The following TTC32 variants were observed in gnomAD, a reference collection of about 807,000 sequenced individuals.
TTC32 encodes the protein tetratricopeptide repeat protein 32.
Under a neutral mutation model 15.3 loss-of-function variants are expected in TTC32, and 16 were observed. The ratio of observed to expected loss-of-function variants is 1.05; its 90% confidence interval spans 0.71 to 1.59. The LOEUF (loss-of-function observed/expected upper bound fraction) is 1.59. TTC32 is among the 40% of genes most tolerant of loss of function. The pLI is 0.00. For missense variants in TTC32, 188 were observed against 181.9 expected, an observed-to-expected ratio of 1.03 and a Z score of -0.19; for synonymous variants, 89 against 67.8, an observed-to-expected ratio of 1.31 and a Z score of -1.53.
intron 1 of TTC32, chr2:19,901,342 AGTG>A (rs1669599421): frequency 6.4e-6 from 2 of 311,306 alleles, no homozygotes; most frequent in Non-Finnish European, 1.3e-5. Context: ...TAAAATCACG[AGTG>A]GAAAATTCCT....
intron 1 of TTC32, 36 bp from the exon 2 acceptor site, chr2:19,898,071 T>A: frequency 1.4e-6 from 2 of 1,453,292 alleles, no homozygotes; most frequent in Non-Finnish European, 1.8e-6. Flanking sequence ...AACACCGTGT[T>A]ACCAAATTCC....
rs568477327 is a variant in TTC32 at position 19,901,458 on chromosome 2, C to T, written c.149+248G>A. On this transcript the variant is annotated intron_variant, in intron 1 of 2. Transcript: ENST00000333610. The stretch of plus-strand genomic sequence containing the variant: ...GAGGATCGCGCAGAGGGCTTGGTTC[C>T]CGGAAATCTCTCCGCACCGTCGCGG... The T allele has an allele frequency of 6.2e-5, 24 of 387,592 alleles. No homozygotes were observed. The African/African-American group carries it at 1.2e-3, about 19-fold the overall frequency. The allele number at this position is 387,592 out of a possible 1,614,324, so 24.0% of individuals were successfully genotyped here.
intron 2 of TTC32, 44 bp downstream of exon 2, chr2:19,897,825 G>T: frequency 1.4e-6 from 2 of 1,390,996 alleles, no homozygotes; most frequent in Non-Finnish European, 1.9e-6. Context: ...TGAAATAACA[G>T]AATACAGTCA....
In TTC32 at chr2:19,901,726, G is replaced by A. The variant is rs2304589; in HGVS notation, c.129C>T (p.Ser43=). 305,036 of 1,613,186 alleles carry A rather than the reference G, an allele frequency of 0.19. 33,035 individuals are homozygous for A. Among genetic ancestry groups the A allele is most frequent in the East Asian group, 0.43 (19,379 of 44,826 alleles). The stretch of plus-strand genomic sequence containing the variant: ...GTTACCTCCCGGGACTCTCGTCGCT[G>A]GAGGCCGCGCAAGCGCACCGGCGAA... ...AYIRRCACAA[S]SDESPGSKCS... The change falls in exon 1 of 3, where the codon TCC becomes TCT. Residue 43 remains serine, a synonymous_variant. Coordinates refer to ENST00000333610, the MANE Select transcript of TTC32 (RefSeq NM_001008237.3).
intron 1 of TTC32, chr2:19,898,606 GC>G (rs1669548807): frequency 6.6e-6 from 1 of 152,230 alleles, no homozygotes; most frequent in Non-Finnish European, 1.5e-5. Context: ...GCCTCAGCTG[GC>G]ATCCTCCCCA....
intron 1 of TTC32, chr2:19,900,883 A>G (rs1379347361): frequency 3.1e-6 from 1 of 324,582 alleles, no homozygotes; most frequent in Admixed American, 4.3e-5. Context: ...AGATTCAGTC[A>G]GCAAGTCCAA....
chr2:19,898,634 C>T (rs1169631457), intron 1 of TTC32, among the ~76,000 whole-genome samples: 3 of 152,196 alleles, frequency 2.0e-5, no homozygotes, highest in African/African-American at 7.2e-5. Context: ...GGCTGGCTTC[C>T]TGCTAGGAGG....
chr2:19,897,978 G>C lies in TTC32; in HGVS notation c.207C>G (p.Tyr69Ter). 6.2e-7 allele frequency: 1 copy of C among 1,610,308 alleles called. No individual in the cohort carries two copies. The highest frequency in any genetic ancestry group is 1.1e-5 in the South Asian group (1 of 90,710). Residue 69 changes from tyrosine to a stop codon, truncating the protein, a stop_gained, in exon 2 of 3, where the codon TAC (tyrosine) becomes TAG (stop). Coordinates refer to ENST00000333610, the MANE Select transcript of TTC32 (RefSeq NM_001008237.3). LOFTEE classifies it high-confidence loss of function. ...TAYNNRGQIK[Y>*]FRVDFYEAMD... The stretch of plus-strand genomic sequence containing the variant: ...TGGCTTCATAAAAATCAACCCTGAA[G>C]TACTTGATTTGCCCCCTGTTGTTAT...
intron 1 of TTC32, among the ~76,000 whole-genome samples, chr2:19,900,839 A>T (rs7569132): frequency 6.6e-6 from 1 of 152,318 alleles, no homozygotes; most frequent in African/African-American, 2.4e-5. Flanking sequence ...ATTCACAGCA[A>T]TATGAGACAG....
Position 19,898,029 on chromosome 2 carries a change from G to A in TTC32, c.156C>T (p.Cys52=), listed in dbSNP as rs142137774. 3.9e-6 allele frequency: 6 copies of A among 1,519,452 alleles called. No homozygotes were observed. The highest frequency in any genetic ancestry group is 5.3e-6 in the Non-Finnish European group (6 of 1,123,872). The allele number at this position is 1,519,452 out of a possible 1,614,324, so 94.1% of individuals were successfully genotyped here. The change falls in exon 2 of 3, where the codon TGC becomes TGT. Residue 52 remains cysteine (C), a synonymous_variant. Transcript: ENST00000333610. ...ASSDESPGSK[C]SPEDLATAYN... ...ATGCAGTAGCCAAATCCTCAGGGCT[G>A]CATTTGCTTTAAACAAAAAGTTCAC...
At chr2:19,898,386 CAA>C (rs1387623204) in intron 1 of TTC32, 1 of 175,542 alleles carries the variant, frequency 5.7e-6, no homozygotes. Context: ...AAATACTAAG[CAA>C]AGAGGGAAAG....
chr2:19,900,563 T>C (rs1268761820), intron 1 of TTC32, among the ~76,000 whole-genome samples: 1 of 152,198 alleles, frequency 6.6e-6, no homozygotes, highest in African/African-American at 2.4e-5. Flanking sequence ...CTCTGTTCTT[T>C]TCTCATCCTG....
In TTC32 at chr2:19,901,558, T is replaced by C. The variant is rs1056743910; in HGVS notation, c.149+148A>G. 1.4e-5 allele frequency: 16 copies of C among 1,158,028 alleles called. 1 individual carries two copies. Among genetic ancestry groups the C allele is most frequent in the Non-Finnish European group, 1.8e-5 (15 of 843,804 alleles). The allele number at this position is 1,158,028 out of a possible 1,614,324, so 71.7% of individuals were successfully genotyped here. Reference sequence around the variant, plus strand: ...GTCCTAGGCCTCGCCTAGGCCTTTCTAGAAAGACGAACGTCCGCCCGCTCA... The same window carrying C: ...GTCCTAGGCCTCGCCTAGGCCTTTCCAGAAAGACGAACGTCCGCCCGCTCA... On this transcript the variant is annotated intron_variant, in intron 1 of 2. Transcript: ENST00000333610.
At chr2:19,901,318 G>C (rs961095805) in intron 1 of TTC32, 1 of 295,716 alleles carries the variant, frequency 3.4e-6, no homozygotes, top group Admixed American at 4.8e-5. Context: ...CCAGGTCGCG[G>C]ATTTCCCGCC....
At position 19,901,729 on chromosome 2, in the gene TTC32, G is replaced by A; in HGVS notation, c.126C>T (p.Ala42=). Residue 42 remains alanine, a synonymous_variant, in exon 1 of 3, where the codon GCC becomes GCT. Transcript: ENST00000333610. ...SAYIRRCACA[A]SSDESPGSKC... ...ACCTCCCGGGACTCTCGTCGCTGGA[G>A]GCCGCGCAAGCGCACCGGCGAATGT... The A allele has an allele frequency of 1.2e-6, 2 of 1,613,482 alleles. No homozygotes were observed. Among genetic ancestry groups the A allele is most frequent in the East Asian group, 2.2e-5 (1 of 44,860 alleles).
intron 1 of TTC32, 67 bp downstream of exon 1, chr2:19,901,639 G>T (rs1669606133): frequency 1.9e-6 from 3 of 1,559,758 alleles, no homozygotes; most frequent in South Asian, 2.4e-5. Flanking sequence ...GCAAAGATAG[G>T]AGCCCAAACA....
At chr2:19,899,815 T>TC (rs1669572977) in intron 1 of TTC32, among the ~76,000 whole-genome samples, 1 of 152,036 alleles carries the variant, frequency 6.6e-6, no homozygotes, top group South Asian at 2.1e-4. Flanking sequence ...CACAAACCAT[T>TC]CAGAATGAAA....
chr2:19,901,713 G>T lies in TTC32; in HGVS notation c.142C>A (p.Pro48Thr). ...CACAASSDES[P>T]GSKCSPEDLA... ...AGGTCTCGCGATAGTTACCTCCCGG[G>T]ACTCTCGTCGCTGGAGGCCGCGCAA... Residue 48 changes from proline to threonine, a missense_variant, in exon 1 of 3, where the codon CCC becomes ACC. By Grantham distance (38) the Pro-to-Thr change is conservative (BLOSUM62 -1). Coordinates refer to ENST00000333610, the MANE Select transcript of TTC32 (RefSeq NM_001008237.3). 1 of 1,612,236 alleles carries T rather than the reference G, an allele frequency of 6.2e-7. No homozygotes were observed. The highest frequency in any genetic ancestry group is 8.5e-7 in the Non-Finnish European group (1 of 1,178,628).
intron 2 of TTC32, 41 bp from the exon 3 acceptor site, chr2:19,897,167 G>T: frequency 6.4e-7 from 1 of 1,564,928 alleles, no homozygotes; most frequent in Non-Finnish European, 8.6e-7. Context: ...AAAAGAAACC[G>T]AGTATTTCTA....
Sources: gnomAD v4.1 joint callset for allele counts (sites outside exome capture counted in the v4.1 genomes callset) on GRCh38, gnomAD v4.1.1 for gene constraint, MANE v1.5 for transcripts, NCBI Gene and HGNC (gene_info 2026-07-23, HGNC 2026-07-21) for gene names.